Variants in NBAS observed in about 807,000 individuals in gnomAD.
The protein encoded by NBAS is NBAS subunit of NRZ tethering complex, also known as NAG/BC035112 fusion.
A neutral mutation model predicts 302.5 loss-of-function variants in NBAS; 219 were observed. That is an observed-to-expected ratio of 0.72 (90% CI 0.65 to 0.81). The LOEUF (loss-of-function observed/expected upper bound fraction) is 0.81. Among genes scored for constraint, NBAS ranks in the 30% least tolerant of loss-of-function variants. The pLI, the probability that NBAS is intolerant of heterozygous loss-of-function variation, is 0.00. For missense variants in NBAS, 2,932 were observed against 2,841.6 expected, an observed-to-expected ratio of 1.03 and a Z score of -0.72; for synonymous variants, 1,118 against 1,021.6, an observed-to-expected ratio of 1.09 and a Z score of -1.80.
At chr2:15,335,534 T>C (rs986436017) in intron 35 of NBAS, among the ~76,000 whole-genome samples, 3 of 152,216 alleles carry the variant, frequency 2.0e-5, no homozygotes, top group Non-Finnish European at 2.9e-5. Flanking sequence ...CTGGTAATTA[T>C]GTAATGGTAT....
At chr2:14,930,289 A>C in the NBAS span, among the ~76,000 whole-genome samples, 1 of 152,226 alleles carries the variant, frequency 6.6e-6, no homozygotes, top group Non-Finnish European at 1.5e-5. Flanking sequence ...AATAGAGAAA[A>C]AATGAAAAAT....
the NBAS span, among the ~76,000 whole-genome samples, chr2:14,873,589 TA>T: frequency 1.6e-4 from 25 of 151,672 alleles, no homozygotes; most frequent in Admixed American, 1.5e-3. Context: ...TTAATACATT[TA>T]TAAGGATTGA....
At chr2:15,042,105 G>A in the NBAS span, among the ~76,000 whole-genome samples, 3 of 152,218 alleles carry the variant, frequency 2.0e-5, no homozygotes, top group African/African-American at 7.2e-5. Context: ...GATTGCTGGA[G>A]GCCTCATGTA....
At chr2:15,364,627 C>CT (rs1182731920) in intron 32 of NBAS, among the ~76,000 whole-genome samples, 6 of 152,134 alleles carry the variant, frequency 3.9e-5, no homozygotes. Flanking sequence ...TCTGGGTACT[C>CT]TGAGACCATC....
intron 32 of NBAS, among the ~76,000 whole-genome samples, chr2:15,364,995 A>G (rs957705383): frequency 6.6e-6 from 1 of 152,178 alleles, no homozygotes; most frequent in Admixed American, 6.5e-5. Flanking sequence ...TTAATTCCCC[A>G]GGCAAAAATT....
intron 51 of NBAS, among the ~76,000 whole-genome samples, chr2:15,170,799 G>A (rs923798792): frequency 3.9e-5 from 6 of 152,184 alleles, no homozygotes; most frequent in Admixed American, 6.5e-5. Flanking sequence ...ATTCCAACAA[G>A]TACATTTTAA....
At chr2:15,077,542 G>A in the NBAS span, among the ~76,000 whole-genome samples, 6 of 152,172 alleles carry the variant, frequency 3.9e-5, no homozygotes, top group African/African-American at 1.2e-4. Flanking sequence ...TGGGAACACA[G>A]AAAAGCAAGC....
downstream of NBAS, chr2:15,166,914 C>T (rs113809594): frequency 3.1e-5 from 37 of 1,210,414 alleles, no homozygotes; most frequent in Non-Finnish European, 3.1e-5. Context: ...GCAGCTTGCT[C>T]ATCGTTTCCA....
the NBAS span, among the ~76,000 whole-genome samples, chr2:14,975,209 G>T: frequency 2.0e-5 from 3 of 152,158 alleles, no homozygotes; most frequent in Non-Finnish European, 1.5e-5. Flanking sequence ...CCTAAACAGG[G>T]TAACTTGCTG....
intron 38 of NBAS, among the ~76,000 whole-genome samples, chr2:15,325,529 C>T (rs1672024803): frequency 6.6e-6 from 1 of 152,158 alleles, no homozygotes; most frequent in South Asian, 2.1e-4. Flanking sequence ...AATGAACCAA[C>T]CTCTGCTAGC....
At chr2:14,857,695 C>T in the NBAS span, among the ~76,000 whole-genome samples, 30,777 of 152,028 alleles carry the variant, frequency 0.2, 4,904 homozygotes, top group African/African-American at 0.44. Flanking sequence ...AGACTCAAAC[C>T]TAAGACCTCA....
the NBAS span, among the ~76,000 whole-genome samples, chr2:15,128,523 G>A: frequency 6.6e-6 from 1 of 152,192 alleles, no homozygotes; most frequent in Non-Finnish European, 1.5e-5. Context: ...GAGAAGAGAT[G>A]AGACACACAC....
chr2:15,534,502 T>C, intron 9 of NBAS, 41 bp downstream of exon 9: 1 of 1,397,512 alleles, frequency 7.2e-7, no homozygotes, highest in South Asian at 1.1e-5. Flanking sequence ...TATGCCAACA[T>C]TTCTATGTCC....
the NBAS span, among the ~76,000 whole-genome samples, chr2:15,159,489 G>A: frequency 3.3e-4 from 50 of 152,218 alleles, no homozygotes; most frequent in African/African-American, 1.2e-3. Flanking sequence ...TGAGAACACT[G>A]CTAAGTGAAA....
intron 21 of NBAS, among the ~76,000 whole-genome samples, chr2:15,431,901 T>G (rs1260611700): frequency 6.6e-6 from 1 of 152,168 alleles, no homozygotes; most frequent in Non-Finnish European, 1.5e-5. Flanking sequence ...CATTACAAAT[T>G]AATTGATTGG....
At chr2:14,884,784 G>A in the NBAS span, among the ~76,000 whole-genome samples, 1 of 152,168 alleles carries the variant, frequency 6.6e-6, no homozygotes, top group African/African-American at 2.4e-5. Flanking sequence ...CATAATGGAA[G>A]GTGACTGGAA....
intron 18 of NBAS, 30 bp from the exon 19 acceptor site, chr2:15,467,437 A>G: frequency 2.6e-6 from 4 of 1,530,716 alleles, no homozygotes; most frequent in Admixed American, 1.7e-5. Context: ...TAGGCCACTT[A>G]TATTTACACA....
chr2:14,917,298 C>T, the NBAS span, among the ~76,000 whole-genome samples: 1 of 152,158 alleles, frequency 6.6e-6, no homozygotes, highest in Admixed American at 6.5e-5. Context: ...AAATTCAGTT[C>T]TTCAAAGGGT....
the NBAS span, among the ~76,000 whole-genome samples, chr2:14,938,448 T>C: frequency 6.6e-6 from 1 of 152,248 alleles, no homozygotes; most frequent in Non-Finnish European, 1.5e-5. Context: ...TCTCTGCTAA[T>C]GAGTGTCAGA....
Sources: gnomAD v4.1 joint callset for allele counts (sites outside exome capture counted in the v4.1 genomes callset) on GRCh38, gnomAD v4.1.1 for gene constraint, MANE v1.5 for transcripts, NCBI Gene and HGNC (gene_info 2026-07-23, HGNC 2026-07-21) for gene names.